CDH4: variants seen among roughly 807,000 people sequenced by gnomAD.
CDH4 encodes the protein cadherin 4, also known as cadherin-4.
In CDH4, 33 loss-of-function variants were observed where a neutral mutation model predicts 86.0. The observed-to-expected ratio is 0.38, with a 90% CI of 0.29 to 0.51. The LOEUF is 0.51. Ranked by LOEUF, CDH4 falls within the 20% of genes least tolerant of loss-of-function variation. CDH4 has a pLI of 0.86. For missense variants in CDH4, 1,114 were observed against 1,307.4 expected (o/e 0.85, Z 2.28); for synonymous variants, 555 against 549.4 (o/e 1.01, Z -0.14).
chr20:61,469,145 G>C (rs895896610), intron 2 of CDH4, among the ~76,000 whole-genome samples: 1 of 152,098 alleles, frequency 6.6e-6, no homozygotes, highest in African/African-American at 2.4e-5. Flanking sequence ...TCCATAGTGG[G>C]TGTACTAATT....
intron 3 of CDH4, among the ~76,000 whole-genome samples, chr20:61,748,594 AT>A (rs2088447504): frequency 6.6e-6 from 1 of 152,246 alleles, no homozygotes; most frequent in South Asian, 2.1e-4. Context: ...ACACTGAAAA[AT>A]ACAAATGAAT....
chr20:61,808,976 A>T (rs1980286318), intron 4 of CDH4, among the ~76,000 whole-genome samples: 1 of 152,240 alleles, frequency 6.6e-6, no homozygotes, highest in Non-Finnish European at 1.5e-5. Flanking sequence ...CAATGTCAAT[A>T]CAGAAGTCAT....
chr20:61,890,194 G>GA (rs60095854), intron 7 of CDH4, among the ~76,000 whole-genome samples: 122,940 of 144,020 alleles, frequency 0.85, 52,219 homozygotes, highest in Non-Finnish European at 0.92. Context: ...ATGGATAGAT[G>GA]ATGGATGGAT....
intron 6 of CDH4, among the ~76,000 whole-genome samples, chr20:61,862,282 G>A (rs942002062): frequency 1.5e-4 from 23 of 152,186 alleles, no homozygotes; most frequent in South Asian, 2.1e-4. Context: ...CACCCTTGCC[G>A]TGGAGGCTGC....
intron 2 of CDH4, among the ~76,000 whole-genome samples, chr20:61,673,015 C>CA (rs34695485): frequency 4.6e-4 from 70 of 152,210 alleles, no homozygotes; most frequent in Non-Finnish European, 7.4e-4. Flanking sequence ...GAGAGAAAGA[C>CA]AAAGATAGCA....
rs567716090 is a variant in CDH4, at chr20:61,573,802, A to G, written c.170-169761A>G. On this transcript the variant is annotated intron_variant, in intron 2 of 15. Coordinates refer to ENST00000614565, the MANE Select transcript of CDH4 (RefSeq NM_001794.5). ...ATGGCAGCTACGGCTGTGTATATAA[A>G]CTGCATATAAACACAATTTTGATAA... Among the ~76,000 whole-genome samples the G allele has an allele frequency of 2.0e-5, 3 of 152,302 alleles. No individual in the cohort carries two copies. In the South Asian group the frequency reaches 6.2e-4, roughly 32 times the overall value.
intron 2 of CDH4, among the ~76,000 whole-genome samples, chr20:61,265,054 C>T (rs1307410172): frequency 2.2e-5 from 3 of 135,574 alleles, no homozygotes; most frequent in Non-Finnish European, 3.2e-5. Context: ...TACACATACC[C>T]CAGTGGCTCC....
Position 61,773,795 on chromosome 20 carries a change from C to T in CDH4, c.576+613C>T, listed in dbSNP as rs185488836. On this transcript the variant is annotated intron_variant, in intron 4 of 15. Transcript: ENST00000614565. ...GGCGAGAATTCCATTAAATAATTCC[C>T]AACCGTTGTGGAAAAGCCTCACCCC... 1.4e-3 allele frequency among the ~76,000 whole-genome samples: 217 copies of T among 152,324 alleles called. 1 individual carries two copies. Among genetic ancestry groups the T allele is most frequent in the Non-Finnish European group, 2.7e-3 (182 of 68,034 alleles).
chr20:61,841,191 G>A (rs568316659), intron 4 of CDH4, among the ~76,000 whole-genome samples: 13 of 152,332 alleles, frequency 8.5e-5, no homozygotes, highest in Non-Finnish European at 7.3e-5. Flanking sequence ...CACCTACTGC[G>A]TGCTCCCAGT....
At chr20:61,839,564 A>C (rs1336558477) in intron 4 of CDH4, among the ~76,000 whole-genome samples, 1 of 145,806 alleles carries the variant, frequency 6.9e-6, no homozygotes, top group Non-Finnish European at 1.5e-5. Context: ...GTGTGTGCAT[A>C]TGTGCATGTG....
chr20:61,717,134 T>C (rs1052266152), intron 2 of CDH4, among the ~76,000 whole-genome samples: 3 of 152,064 alleles, frequency 2.0e-5, no homozygotes, highest in African/African-American at 7.2e-5. Context: ...CAGGAGCAGC[T>C]CCTCCTGCTT....
chr20:61,540,913 A>G (rs760503795), intron 2 of CDH4, among the ~76,000 whole-genome samples: 12 of 152,016 alleles, frequency 7.9e-5, no homozygotes, highest in Non-Finnish European at 1.5e-4. Flanking sequence ...ATTTGGTTAC[A>G]AACTCCCCCT....
chr20:61,256,855 A>G (rs2123113752), intron 2 of CDH4, among the ~76,000 whole-genome samples: 1 of 151,696 alleles, frequency 6.6e-6, no homozygotes, highest in Middle Eastern at 3.4e-3. Flanking sequence ...GTTTTCTTCC[A>G]CTCGTTCTTC....
chr20:61,330,221 T>C (rs908653502), intron 2 of CDH4, among the ~76,000 whole-genome samples: 6 of 152,132 alleles, frequency 3.9e-5, no homozygotes, highest in African/African-American at 7.2e-5. Flanking sequence ...GATTGCTGGG[T>C]CAAATGGTTC....
At chr20:61,598,187 C>G (rs1412397525) in intron 2 of CDH4, among the ~76,000 whole-genome samples, 1 of 152,144 alleles carries the variant, frequency 6.6e-6, no homozygotes, top group Non-Finnish European at 1.5e-5. Context: ...CCACTGCCCT[C>G]TGATCTGCTG....
intron 2 of CDH4, among the ~76,000 whole-genome samples, chr20:61,342,129 G>A (rs1038406665): frequency 2.0e-5 from 3 of 152,180 alleles, no homozygotes; most frequent in Non-Finnish European, 4.4e-5. Flanking sequence ...AGCAATGATT[G>A]AAAAGATGAG....
chr20:61,696,485 C>T (rs1311601576), intron 2 of CDH4, among the ~76,000 whole-genome samples: 1 of 152,212 alleles, frequency 6.6e-6, no homozygotes, highest in African/African-American at 2.4e-5. Flanking sequence ...TACTGAGCAC[C>T]AGCTGTGTAC....
At position 61,582,361 on chromosome 20, in the gene CDH4, G is replaced by C. The variant is rs1436280500; in HGVS notation, c.170-161202G>C. 6.6e-6 allele frequency among the ~76,000 whole-genome samples: 1 copy of C among 152,200 alleles called. No individual in the cohort carries two copies. Among genetic ancestry groups the C allele is most frequent in the Non-Finnish European group, 1.5e-5 (1 of 68,018 alleles). ...CTTATTGTTCAAGCGCAGTGAAAAAGGCAGCGTGAGCCCTGGGGCTTTCCC... is the reference window on the plus strand; with the variant it reads ...CTTATTGTTCAAGCGCAGTGAAAAACGCAGCGTGAGCCCTGGGGCTTTCCC... On this transcript the variant is annotated intron_variant, in intron 2 of 15. Coordinates refer to ENST00000614565, the MANE Select transcript of CDH4 (RefSeq NM_001794.5). This position sits in a 1 kb window ranked among gnomAD's most constrained non-coding sequence, Gnocchi z 4.2.
intron 2 of CDH4, among the ~76,000 whole-genome samples, chr20:61,450,929 T>C (rs1028097740): frequency 1.3e-5 from 2 of 151,760 alleles, no homozygotes; most frequent in Non-Finnish European, 2.9e-5. Flanking sequence ...TGGACCCAGG[T>C]CCTGAGGAGT....
Sources: gnomAD v4.1 joint callset for allele counts (sites outside exome capture counted in the v4.1 genomes callset) on GRCh38, gnomAD v4.1.1 for gene constraint, Gnocchi (gnomAD v3.1) non-coding constraint, MANE v1.5 for transcripts, NCBI Gene and HGNC (gene_info 2026-07-23, HGNC 2026-07-21) for gene names.